The following NBPF11 variants were observed in gnomAD, a reference collection of about 807,000 sequenced individuals.
NBPF11 encodes NBPF family member NBPF11.
In NBPF11, 72 loss-of-function variants were observed where a neutral mutation model predicts 93.9. That is an observed-to-expected ratio of 0.77 (90% CI 0.63 to 0.93). The LOEUF is 0.93. NBPF11 is among the 40% of genes least tolerant of loss of function. The pLI is 0.00. For synonymous variants in NBPF11, 224 were observed against 304.9 expected (o/e 0.73, Z 2.76); for missense variants, 705 against 802.2 (o/e 0.88, Z 1.46).
chr1:148,150,996 C>G (rs1648170121), intron 1 of NBPF11, among the ~76,000 whole-genome samples: 1 of 151,458 alleles, frequency 6.6e-6, no homozygotes, highest in South Asian at 2.1e-4. Context: ...TAAAGTGCTT[C>G]TTTTCGAAAG....
intron 2 of NBPF11, among the ~76,000 whole-genome samples, chr1:148,141,463 A>C (rs1672156034): frequency 6.6e-6 from 1 of 152,094 alleles, no homozygotes; most frequent in South Asian, 2.1e-4. Flanking sequence ...CTGTTCTAAA[A>C]AATAACATCT....
At chr1:148,135,877 C>T (rs1199424315) in intron 3 of NBPF11, 64 bp from the exon 4 acceptor site, 3 of 885,284 alleles carry the variant, frequency 3.4e-6, no homozygotes, top group African/African-American at 3.3e-5. Context: ...CAATGAGACA[C>T]TTTCTTACCA....
At chr1:148,129,329 C>A (rs1669886095) in intron 4 of NBPF11, among the ~76,000 whole-genome samples, 1 of 142,432 alleles carries the variant, frequency 7.0e-6, no homozygotes, top group East Asian at 2.1e-4. Context: ...TATATTTTTT[C>A]TTTTTTAAGT....
chr1:148,130,791 G>A (rs1362763160), intron 4 of NBPF11, among the ~76,000 whole-genome samples: 1 of 151,858 alleles, frequency 6.6e-6, no homozygotes, highest in Non-Finnish European at 1.5e-5. Context: ...GTACCCCTTT[G>A]CAGTTCATCA....
At chr1:148,146,987 G>A (rs1207535673) in intron 1 of NBPF11, 3 of 1,465,840 alleles carry the variant, frequency 2.0e-6, no homozygotes, top group Non-Finnish European at 2.8e-6. Flanking sequence ...GGGGGGCCGG[G>A]GGGCGGGCTT....
At position 148,108,513 on chromosome 1, in the gene NBPF11, T is replaced by A. The variant is rs1571411463; in HGVS notation, c.1995A>T (p.Gln665His). 1 of 1,598,034 alleles carries A rather than the reference T, an allele frequency of 6.3e-7. No individual in the cohort carries two copies. Among genetic ancestry groups the A allele is most frequent in the East Asian group, 2.2e-5 (1 of 44,738 alleles). ...TGTCAACAGCCAAGCCAATACGCTGTTGCTCCAATACGTAAAAGGCACTTC... is the reference window on the plus strand; with the variant it reads ...TGTCAACAGCCAAGCCAATACGCTGATGCTCCAATACGTAAAAGGCACTTC... ...PYRSAFYVLE[Q>H]QRIGLAVDMD... Residue 665 changes from glutamine to histidine, a missense_variant, in exon 18 of 24, where the codon CAA (glutamine) becomes CAT (histidine). Coordinates refer to ENST00000682118, the MANE Select transcript of NBPF11 (RefSeq NM_001385469.3).
At chr1:148,108,060 A>G (rs1211786252) in intron 18 of NBPF11, among the ~76,000 whole-genome samples, 113 of 150,502 alleles carry the variant, frequency 7.5e-4, no homozygotes, top group African/African-American at 2.4e-3. Context: ...AAATGCCCCC[A>G]AATGGTTGCT....
chr1:148,131,304 T>C (rs1209801208), intron 4 of NBPF11, among the ~76,000 whole-genome samples: 1 of 151,580 alleles, frequency 6.6e-6, no homozygotes, highest in African/African-American at 2.4e-5. Flanking sequence ...CATTTAGTAT[T>C]AAACGAGTTT....
At chr1:148,111,940 C>T (rs1665381686) in intron 15 of NBPF11, among the ~76,000 whole-genome samples, 2 of 150,504 alleles carry the variant, frequency 1.3e-5, no homozygotes, top group Non-Finnish European at 2.9e-5. Flanking sequence ...AACCCCAGGA[C>T]ACATAATTGT....
intron 1 of NBPF11, among the ~76,000 whole-genome samples, chr1:148,145,294 C>A (rs1672824602): frequency 7.0e-6 from 1 of 142,994 alleles, no homozygotes; most frequent in Admixed American, 6.9e-5. Flanking sequence ...TCACTGCAAC[C>A]TCCGCCTCCT....
At chr1:148,111,237 C>A (rs1665185186) in intron 15 of NBPF11, among the ~76,000 whole-genome samples, 1 of 152,202 alleles carries the variant, frequency 6.6e-6, no homozygotes, top group East Asian at 1.9e-4. Flanking sequence ...ACCCCAAAAC[C>A]CCATCTGTAG....
At chr1:148,140,061 G>A (rs1187946890) in intron 2 of NBPF11, among the ~76,000 whole-genome samples, 3 of 151,862 alleles carry the variant, frequency 2.0e-5, no homozygotes, top group Admixed American at 6.6e-5. Flanking sequence ...ATAGTGTGAA[G>A]TTGGTCAAAA....
chr1:148,123,752 A>G lies in NBPF11; in HGVS notation c.493+101T>C. On this transcript the variant is annotated intron_variant, in intron 7 of 23. Coordinates refer to ENST00000682118, the MANE Select transcript of NBPF11 (RefSeq NM_001385469.3). ...TGTCATGGCCACATATGTGTAGTAG[A>G]AAAAAACCCCACTGATACAACTGTC... 4 of 1,608,282 alleles carry G rather than the reference A, an allele frequency of 2.5e-6. No individual in the cohort carries two copies. In the East Asian group the frequency reaches 6.7e-5, roughly 27 times the overall value.
rs1473711529 is a variant in NBPF11, at chr1:148,122,641, G to A, written c.566+88C>T. 27 of 1,564,074 alleles carry A rather than the reference G, an allele frequency of 1.7e-5. No individual in the cohort carries two copies. In the East Asian group the frequency reaches 5.8e-4, roughly 34 times the overall value. ...TGTGGCCAAGGGAATGCGGGCTTTTGGCCCATCATAGATGCCAGAGAGGGC... is the reference window on the plus strand; with the variant it reads ...TGTGGCCAAGGGAATGCGGGCTTTTAGCCCATCATAGATGCCAGAGAGGGC... On this transcript the variant is annotated intron_variant, in intron 8 of 23. Transcript: ENST00000682118.
Position 148,115,904 on chromosome 1 carries a change from T to C in NBPF11, c.1474A>G (p.Asn492Asp). ...ATTTTGGTTTTTCTATGTGGCTGGTTGGAGTCATAAGGGCCATGGCTATTT... is the reference window on the plus strand; with the variant it reads ...ATTTTGGTTTTTCTATGTGGCTGGTCGGAGTCATAAGGGCCATGGCTATTT... ...CSNSHGPYDS[N>D]QPHRKTKITF... The change falls in exon 14 of 24, where the codon AAC becomes GAC. Residue 492 changes from asparagine (N) to aspartate (D), a missense_variant. Physicochemically the swap from Asn to Asp is conservative, Grantham distance 23 (BLOSUM62 1). Transcript: ENST00000682118. 1.3e-6 allele frequency: 2 copies of C among 1,583,052 alleles called. No homozygotes were observed. The highest frequency in any genetic ancestry group is 3.5e-5 in the Admixed American group (2 of 57,252).
intron 1 of NBPF11, among the ~76,000 whole-genome samples, chr1:148,150,354 T>C (rs1472371987): frequency 6.6e-6 from 1 of 150,580 alleles, no homozygotes; most frequent in South Asian, 2.1e-4. Context: ...TCCGCCCACC[T>C]TGGCCTCCCG....
At chr1:148,149,752 G>GA (rs1647811923) in intron 1 of NBPF11, among the ~76,000 whole-genome samples, 1 of 139,388 alleles carries the variant, frequency 7.2e-6, no homozygotes, top group Non-Finnish European at 1.6e-5. Context: ...GAAGCAAGAA[G>GA]AAAATACGTG....
In NBPF11 at chr1:148,120,645, C is replaced by G. The variant is rs1378510787; in HGVS notation, c.844G>C (p.Glu282Gln). 1 of 1,543,824 alleles carries G rather than the reference C, an allele frequency of 6.5e-7. No individual in the cohort carries two copies. Among genetic ancestry groups the G allele is most frequent in the African/African-American group, 1.4e-5 (1 of 73,140 alleles). ...MVVSAGPLSSEKAEMNILEIN... is the reference protein window; with the variant it reads ...MVVSAGPLSSQKAEMNILEIN... ...TCTAGAATGTTCATCTCTGCCTTCT[C>G]GCTGGACAAAGGGCCGGCTGATACC... The change falls in exon 10 of 24, where the codon GAG becomes CAG. Residue 282 changes from glutamate to glutamine, a missense_variant. Glu to Gln is a conservative substitution (Grantham distance 29). Around this residue, in one of 12 missense-constraint regions of NBPF11, gnomAD observed 262 missense variants for 223.1 expected, o/e 1.17. Coordinates refer to ENST00000682118, the MANE Select transcript of NBPF11 (RefSeq NM_001385469.3).
rs1411774851 is a variant in NBPF11, at chr1:148,122,219, T to C, written c.614A>G (p.Glu205Gly). 4 of 1,612,026 alleles carry C rather than the reference T, an allele frequency of 2.5e-6. No individual in the cohort carries two copies. Among genetic ancestry groups the C allele is most frequent in the Non-Finnish European group, 3.4e-6 (4 of 1,179,734 alleles). ...ATTTGAACAAGTGATGGCACATTCC[T>C]CCAGTGAGTCCTCAGGGACTTTGCT... is the stretch of plus-strand genomic sequence containing the variant. The part of the protein sequence containing the change: ...EESKVPEDSL[E>G]ECAITCSNSH... Residue 205 changes from glutamate to glycine, a missense_variant, in exon 9 of 24, where the codon GAG becomes GGG. By Grantham distance (98) the Glu-to-Gly change is moderately conservative (BLOSUM62 -2). Transcript: ENST00000682118.
Sources: gnomAD v4.1 joint callset for allele counts (sites outside exome capture counted in the v4.1 genomes callset) on GRCh38, gnomAD v4.1.1 for gene constraint, gnomAD v4.1.1 regional missense constraint, MANE v1.5 for transcripts, NCBI Gene and HGNC (gene_info 2026-07-23, HGNC 2026-07-21) for gene names.